Variants in MOXD1 observed in about 807,000 individuals in gnomAD.
MOXD1 encodes the protein monooxygenase DBH like 1.
Under a neutral mutation model 66.6 loss-of-function variants are expected in MOXD1, and 62 were observed. That is an observed-to-expected ratio of 0.93 (90% CI 0.76 to 1.15). MOXD1 has a LOEUF of 1.15. Among genes scored for constraint, MOXD1 ranks in the 50% most tolerant of loss-of-function variants. MOXD1 has a pLI of 0.00. For missense variants in MOXD1, 847 were observed against 754.6 expected (o/e 1.12, Z -1.44); for synonymous variants, 303 against 281.9 (o/e 1.07, Z -0.75).
chr6:132,367,019 A>T (rs1055022031), intron 4 of MOXD1, among the ~76,000 whole-genome samples: 1 of 152,124 alleles, frequency 6.6e-6, no homozygotes, highest in Admixed American at 6.6e-5. Context: ...TGGATATTTC[A>T]TGGGAGAAAA....
At chr6:132,333,948 A>G (rs964636058) in intron 4 of MOXD1, among the ~76,000 whole-genome samples, 4 of 152,368 alleles carry the variant, frequency 2.6e-5, no homozygotes, top group African/African-American at 9.6e-5. Flanking sequence ...GAGCTTTCAG[A>G]TACACTTGAG....
chr6:132,398,757 T>C (rs1367912945), intron 1 of MOXD1, among the ~76,000 whole-genome samples: 1 of 151,840 alleles, frequency 6.6e-6, no homozygotes, highest in Non-Finnish European at 1.5e-5. Flanking sequence ...CTGGCCAGCC[T>C]GGTGAAACCC....
chr6:132,399,537 T>C (rs1413622962), intron 1 of MOXD1, among the ~76,000 whole-genome samples: 4 of 152,206 alleles, frequency 2.6e-5, no homozygotes, highest in African/African-American at 9.7e-5. Context: ...AAGTTTATCT[T>C]TGTGGTGGGC....
At chr6:132,302,245 G>C (rs1774557362) in intron 10 of MOXD1, among the ~76,000 whole-genome samples, 1 of 152,142 alleles carries the variant, frequency 6.6e-6, no homozygotes, top group African/African-American at 2.4e-5. Flanking sequence ...ACTACACGGA[G>C]TAAACATCTA....
chr6:132,339,261 T>C (rs554875889), intron 4 of MOXD1, among the ~76,000 whole-genome samples: 1 of 152,272 alleles, frequency 6.6e-6, no homozygotes, highest in Admixed American at 6.5e-5. Context: ...CTTGTGTATG[T>C]TTATATATAG....
At chr6:132,298,512 A>G (rs1774460283) in intron 10 of MOXD1, among the ~76,000 whole-genome samples, 1 of 152,140 alleles carries the variant, frequency 6.6e-6, no homozygotes, top group South Asian at 2.1e-4. Context: ...TCAAACCCAT[A>G]CACTATAAAA....
chr6:132,367,726 C>G (rs930019576), intron 4 of MOXD1, among the ~76,000 whole-genome samples: 9 of 152,150 alleles, frequency 5.9e-5, no homozygotes, highest in Middle Eastern at 6.8e-3. Context: ...AACAACAACT[C>G]CTGTTTGATC....
chr6:132,308,790 C>T (rs545818128), intron 10 of MOXD1, among the ~76,000 whole-genome samples: 57 of 152,144 alleles, frequency 3.7e-4, no homozygotes, highest in Non-Finnish European at 5.3e-4. Flanking sequence ...TCTCAATAGA[C>T]GCACAAAAGG....
At chr6:132,388,842 A>G (rs552701062) in intron 1 of MOXD1, among the ~76,000 whole-genome samples, 1 of 151,420 alleles carries the variant, frequency 6.6e-6, no homozygotes, top group African/African-American at 2.4e-5. Context: ...CCCTGTGACC[A>G]CACACAACTG....
At position 132,324,120 on chromosome 6, in the gene MOXD1, A is replaced by T. The variant is rs758163398; in HGVS notation, c.947-23T>A. ...AGCCTAGAACAAAAGCACATAATTA[A>T]AGTGATTTTTGGTTCTTAAAATGTT... On this transcript the variant is annotated intron_variant, in intron 6 of 11. Coordinates refer to ENST00000367963, the MANE Select transcript of MOXD1 (RefSeq NM_015529.4). 4 of 1,596,804 alleles carry T rather than the reference A, an allele frequency of 2.5e-6. No homozygotes were observed. The South Asian group carries it at 4.6e-5, about 18-fold the overall frequency.
At chr6:132,337,835 C>A (rs1444227573) in intron 4 of MOXD1, among the ~76,000 whole-genome samples, 1 of 152,140 alleles carries the variant, frequency 6.6e-6, no homozygotes. Context: ...ATATTCAATA[C>A]AGCAGAGATC....
intron 1 of MOXD1, among the ~76,000 whole-genome samples, chr6:132,396,355 A>T (rs981349430): frequency 1.3e-5 from 2 of 152,156 alleles, no homozygotes; most frequent in Admixed American, 1.3e-4. Context: ...AACATAACAT[A>T]TCAAAACCTA....
chr6:132,323,903 G>A (rs757149038), intron 7 of MOXD1, 28 bp downstream of exon 7: 2 of 1,558,868 alleles, frequency 1.3e-6, no homozygotes, highest in South Asian at 2.4e-5. Flanking sequence ...AATCTGCAGA[G>A]AGCAGCTCAG....
At chr6:132,323,849 CAT>C (rs1363634888) in intron 7 of MOXD1, 80 bp downstream of exon 7, 10 of 1,377,994 alleles carry the variant, frequency 7.3e-6, no homozygotes, top group Admixed American at 5.4e-5. Context: ...CGATAATAAA[CAT>C]GTGCGGAATT....
chr6:132,336,686 C>T (rs1775445854), intron 4 of MOXD1, among the ~76,000 whole-genome samples: 1 of 151,962 alleles, frequency 6.6e-6, no homozygotes, highest in Non-Finnish European at 1.5e-5. Flanking sequence ...CATGAATGGA[C>T]CTGTCAGCTA....
intron 4 of MOXD1, among the ~76,000 whole-genome samples, chr6:132,361,023 TTTTTATAA>T (rs1271834105): frequency 6.6e-6 from 1 of 152,186 alleles, no homozygotes; most frequent in African/African-American, 2.4e-5. Flanking sequence ...CCTTCACTAA[TTTTTATAA>T]TTCCACACAG....
intron 6 of MOXD1, among the ~76,000 whole-genome samples, chr6:132,326,218 T>C (rs1055646058): frequency 6.6e-6 from 1 of 152,012 alleles, no homozygotes; most frequent in African/African-American, 2.4e-5. Flanking sequence ...ATTCGTATTA[T>C]GTTATATTTA....
chr6:132,363,474 C>T (rs1776056869), intron 4 of MOXD1, among the ~76,000 whole-genome samples: 1 of 152,010 alleles, frequency 6.6e-6, no homozygotes, highest in Non-Finnish European at 1.5e-5. Context: ...TTCTTCCACG[C>T]AAATTATTTT....
At chr6:132,329,367 A>G (rs924206561) in intron 4 of MOXD1, among the ~76,000 whole-genome samples, 3 of 152,136 alleles carry the variant, frequency 2.0e-5, no homozygotes, top group Admixed American at 6.5e-5. Context: ...AATCCAGTCT[A>G]TCACTGATGG....
Sources: allele counts gnomAD v4.1 joint callset (sites outside exome capture counted in the v4.1 genomes callset), GRCh38; gene constraint gnomAD v4.1.1; transcripts MANE v1.5; gene names NCBI Gene and HGNC (gene_info 2026-07-23, HGNC 2026-07-21).